TOB1: variants seen among roughly 807,000 people sequenced by gnomAD.
The protein encoded by TOB1 is protein Tob1.
Under a neutral mutation model 22.9 loss-of-function variants are expected in TOB1, and 2 were observed. The observed-to-expected ratio is 0.09, with a 90% CI of 0.04 to 0.28. TOB1 has a LOEUF of 0.28. Ranked by LOEUF, TOB1 falls within the 10% of genes least tolerant of loss-of-function variation. TOB1 has a pLI of 1.00. For missense variants in TOB1, 299 were observed against 420.5 expected (o/e 0.71, Z 2.53); for synonymous variants, 154 against 150.6 (o/e 1.02, Z -0.17).
In TOB1 at chr17:50,863,999, CTTGGAT is replaced by C. The variant is rs1972258827; in HGVS notation, c.13_18del (p.Ile5_Gln6del). On this transcript the variant is annotated inframe_deletion, in exon 2 of 2. Transcript: ENST00000499247. ...TACGAAATAATAAAATTTAGTGCTA[CTTGGAT>C]TTCAAGCTGCATAGCTGCTACGCCA... is the stretch of plus-strand genomic sequence containing the variant. 1 of 1,464,052 alleles carries C rather than the reference CTTGGAT, an allele frequency of 6.8e-7. No homozygotes were observed. The allele number at this position is 1,464,052 out of a possible 1,614,324, so 90.7% of individuals were successfully genotyped here. A position where few individuals can be genotyped will look rare whatever the true frequency, so the allele number is the denominator to read the frequency against.
chr17:50,865,032 G>C (rs2143344303), intron 1 of TOB1, among the ~76,000 whole-genome samples: 1 of 152,310 alleles, frequency 6.6e-6, no homozygotes, highest in Non-Finnish European at 1.5e-5. Context: ...AACAGCCGGA[G>C]AGGCAAGTAT....
In TOB1 at chr17:50,863,136, G is replaced by A. The variant is rs1972238894; in HGVS notation, c.882C>T (p.Ser294=). The A allele has an allele frequency of 6.2e-7, 1 of 1,614,130 alleles. No homozygotes were observed. The stretch of plus-strand genomic sequence containing the variant: ...ACTGGAGAGGACTGAGGTTAAGGGG[G>A]CTGTCACCTGGGAACATTCCATTGG... The part of the protein sequence containing the change: ...SSTNGMFPGD[S]PLNLSPLQYS... The change falls in exon 2 of 2, where the codon AGC becomes AGT. Residue 294 remains serine, a synonymous_variant. Transcript: ENST00000499247.
Position 50,863,764 on chromosome 17 carries a change from T to A in TOB1, c.254A>T (p.Asn85Ile), listed in dbSNP as rs201762176. 4.3e-6 allele frequency: 7 copies of A among 1,614,122 alleles called. No individual in the cohort carries two copies. Among genetic ancestry groups the A allele is most frequent in the South Asian group, 1.1e-5 (1 of 91,082 alleles). The change falls in exon 2 of 2, where the codon AAT becomes ATT. Residue 85 changes from asparagine (N) to isoleucine (I), a missense_variant. Coordinates refer to ENST00000499247, the MANE Select transcript of TOB1 (RefSeq NM_005749.4). The stretch of plus-strand genomic sequence containing the variant: ...CCAAACACTAAGATCCTGTGGCAGA[T>A]TGCCACGAACATCATCAATGTCCAA... ...SGLDIDDVRG[N>I]LPQDLSVWID... is the part of the protein sequence containing the mutation.
At position 50,863,463 on chromosome 17, in the gene TOB1, G is replaced by C. The variant is rs369296548; in HGVS notation, c.555C>G (p.Thr185=). The change falls in exon 2 of 2, where the codon ACC becomes ACG. Residue 185 remains threonine, a synonymous_variant. Transcript: ENST00000499247. ...TCTTCATTTTGGTAGAGCCGAACTT[G>C]GTGGCAGCAAAAGTGGCAGTGGTAA... is the stretch of plus-strand genomic sequence containing the variant. The part of the protein sequence containing the change: ...LTFTTATFAA[T]KFGSTKMKNS... 371 of 1,614,058 alleles carry C rather than the reference G, an allele frequency of 2.3e-4. No homozygotes were observed. Among genetic ancestry groups the C allele is most frequent in the Non-Finnish European group, 3.0e-4 (354 of 1,180,040 alleles).
intron 1 of TOB1, among the ~76,000 whole-genome samples, chr17:50,865,783 C>T (rs1597991052): frequency 6.6e-6 from 1 of 152,092 alleles, no homozygotes; most frequent in South Asian, 2.1e-4. Context: ...GAGCTCGTCG[C>T]TCCTCCGGGC....
Position 50,864,057 on chromosome 17 carries a change from A to T in TOB1, c.-40T>A, listed in dbSNP as rs765519543. The T allele has an allele frequency of 3.5e-6, 2 of 566,934 alleles. No homozygotes were observed. Among genetic ancestry groups the T allele is most frequent in the Non-Finnish European group, 4.3e-6 (2 of 465,318 alleles). The allele number at this position is 566,934 out of a possible 1,614,324, so 35.1% of individuals were successfully genotyped here. A position where few individuals can be genotyped will look rare whatever the true frequency, so the allele number is the denominator to read the frequency against. ...AAAATTAGGTTTCAACTCCCCCACC[A>T]AAAAAAAAAAAAAAAAAAAAAGATG... On this transcript the variant is annotated 5_prime_UTR_variant, in exon 2 of 2. Transcript: ENST00000499247.
At chr17:50,864,365 C>T (rs1972265649) in intron 1 of TOB1, among the ~76,000 whole-genome samples, 1 of 152,032 alleles carries the variant, frequency 6.6e-6, no homozygotes, top group Non-Finnish European at 1.5e-5. Flanking sequence ...AATAGAAAAT[C>T]GTTTATTAAA....
chr17:50,863,129 T>A lies in TOB1; in HGVS notation c.889A>T (p.Asn297Tyr). The change falls in exon 2 of 2, where the codon AAC becomes TAC. Residue 297 changes from asparagine to tyrosine, a missense_variant. Asn to Tyr is a moderately radical substitution (Grantham distance 143). Coordinates refer to ENST00000499247, the MANE Select transcript of TOB1 (RefSeq NM_005749.4). ...TTACTGTACTGGAGAGGACTGAGGT[T>A]AAGGGGGCTGTCACCTGGGAACATT... ...NGMFPGDSPLNLSPLQYSNAF... is the reference protein window; with the variant it reads ...NGMFPGDSPLYLSPLQYSNAF... 6.2e-7 allele frequency: 1 copy of A among 1,614,172 alleles called. No individual in the cohort carries two copies.
At chr17:50,865,578 G>A (rs1972286105) in intron 1 of TOB1, among the ~76,000 whole-genome samples, 1 of 152,100 alleles carries the variant, frequency 6.6e-6, no homozygotes, top group Non-Finnish European at 1.5e-5. Context: ...TCCCGGCTGG[G>A]CACCCAGCAC....
At chr17:50,865,663 C>T (rs1357866182) in intron 1 of TOB1, among the ~76,000 whole-genome samples, 1 of 152,054 alleles carries the variant, frequency 6.6e-6, no homozygotes, top group Non-Finnish European at 1.5e-5. Context: ...CGCCCCGTGG[C>T]CCCCGCCCCG....
rs1338444583 is a variant in TOB1, at chr17:50,864,073, A to G, written c.-56T>C. The G allele has an allele frequency of 4.8e-6, 7 of 1,453,658 alleles. No homozygotes were observed. The highest frequency in any genetic ancestry group is 6.3e-6 in the Non-Finnish European group (7 of 1,110,812). The allele number at this position is 1,453,658 out of a possible 1,614,324, so 90.0% of individuals were successfully genotyped here. A position where few individuals can be genotyped will look rare whatever the true frequency, so the allele number is the denominator to read the frequency against. On this transcript the variant is annotated 5_prime_UTR_variant, in exon 2 of 2. Coordinates refer to ENST00000499247, the MANE Select transcript of TOB1 (RefSeq NM_005749.4). ...TCCCCCACCAAAAAAAAAAAAAAAA[A>G]AAAAAGATGTTCAGTTTGTGGCAGA...
rs71149322 is a variant in TOB1 at position 50,864,056 on chromosome 17, CAAA to C, written c.-42_-40del. 6,594 of 1,027,670 alleles carry C rather than the reference CAAA, an allele frequency of 6.4e-3. No homozygotes were observed. Among genetic ancestry groups the C allele is most frequent in the East Asian group, 0.03 (725 of 23,888 alleles). 63.7% of individuals were successfully genotyped at this position (1,027,670 alleles called of 1,614,324 possible). ...CAAAATTAGGTTTCAACTCCCCCAC[CAAA>C]AAAAAAAAAAAAAAAAAAAGATGTT... is the stretch of plus-strand genomic sequence containing the variant. On this transcript the variant is annotated 5_prime_UTR_variant, in exon 2 of 2. Coordinates refer to ENST00000499247, the MANE Select transcript of TOB1 (RefSeq NM_005749.4).
At position 50,864,065 on chromosome 17, in the gene TOB1, A is replaced by AAAAAAAG. The variant is rs1183783877; in HGVS notation, c.-49_-48insCTTTTTT. The AAAAAAAG allele has an allele frequency of 3.5e-6, 5 of 1,434,008 alleles. No individual in the cohort carries two copies. The highest frequency in any genetic ancestry group is 4.6e-6 in the Non-Finnish European group (5 of 1,096,598). The allele number at this position is 1,434,008 out of a possible 1,614,324, so 88.8% of individuals were successfully genotyped here. On this transcript the variant is annotated 5_prime_UTR_variant, in exon 2 of 2. Coordinates refer to ENST00000499247, the MANE Select transcript of TOB1 (RefSeq NM_005749.4). The stretch of plus-strand genomic sequence containing the variant: ...GTTTCAACTCCCCCACCAAAAAAAA[A>AAAAAAAG]AAAAAAAAAAAAAGATGTTCAGTTT...
rs1972232889 is a variant in TOB1 at position 50,862,799 on chromosome 17, TATAAA to T, written c.*176_*180del. On this transcript the variant is annotated 3_prime_UTR_variant, in exon 2 of 2. Transcript: ENST00000499247. ...AGTATACTTTAAAATATACAGTCAG[TATAAA>T]ATAACTTTGTGCTTGGTTGGCAAAT... 2.4e-6 allele frequency: 2 copies of T among 820,776 alleles called. No individual in the cohort carries two copies. The highest frequency in any genetic ancestry group is 3.6e-6 in the Non-Finnish European group (2 of 562,092). The allele number at this position is 820,776 out of a possible 1,614,324, so 50.8% of individuals were successfully genotyped here.
Position 50,862,819 on chromosome 17 carries a change from G to A in TOB1, c.*161C>T. On this transcript the variant is annotated 3_prime_UTR_variant, in exon 2 of 2. Transcript: ENST00000499247. ...GTCAGTATAAAATAACTTTGTGCTT[G>A]GTTGGCAAATGAAAAATGATGCATG... 7.9e-6 allele frequency: 8 copies of A among 1,017,678 alleles called. No homozygotes were observed. Among genetic ancestry groups the A allele is most frequent in the Non-Finnish European group, 1.1e-5 (8 of 739,900 alleles). 63.0% of individuals were successfully genotyped at this position (1,017,678 alleles called of 1,614,324 possible).
In TOB1 at chr17:50,862,876, T is replaced by G. The variant is rs1972234144; in HGVS notation, c.*104A>C. 3.6e-6 allele frequency: 5 copies of G among 1,402,814 alleles called. No homozygotes were observed. The Admixed American group carries it at 1.4e-4, about 40-fold the overall frequency. The allele number at this position is 1,402,814 out of a possible 1,614,324, so 86.9% of individuals were successfully genotyped here. On this transcript the variant is annotated 3_prime_UTR_variant, in exon 2 of 2. Coordinates refer to ENST00000499247, the MANE Select transcript of TOB1 (RefSeq NM_005749.4). Reference sequence around the variant, plus strand: ...TATTATTTTTTTAACCAAGCTTGAATGTATCCTTACTATAAGCTTAAAAAA... The same window carrying G: ...TATTATTTTTTTAACCAAGCTTGAAGGTATCCTTACTATAAGCTTAAAAAA...
intron 1 of TOB1, 103 bp from the exon 2 acceptor site, chr17:50,864,266 T>C: frequency 1.8e-6 from 1 of 548,026 alleles, no homozygotes; most frequent in Non-Finnish European, 2.6e-6. Flanking sequence ...TCTAAGATCC[T>C]GTGTTAGTCT....
In TOB1 at chr17:50,862,926, A is replaced by G; in HGVS notation, c.*54T>C. The G allele has an allele frequency of 6.7e-7, 1 of 1,490,750 alleles. No individual in the cohort carries two copies. The highest frequency in any genetic ancestry group is 8.9e-7 in the Non-Finnish European group (1 of 1,121,286). The allele number at this position is 1,490,750 out of a possible 1,614,324, so 92.3% of individuals were successfully genotyped here. A position where few individuals can be genotyped will look rare whatever the true frequency, so the allele number is the denominator to read the frequency against. ...AAAAAATTCTCAAGGAGGTGAAAAA[A>G]AAAATCCCCCTTGGGCCCGTGCATT... is the stretch of plus-strand genomic sequence containing the variant. On this transcript the variant is annotated 3_prime_UTR_variant, in exon 2 of 2. Coordinates refer to ENST00000499247, the MANE Select transcript of TOB1 (RefSeq NM_005749.4).
Position 50,862,855 on chromosome 17 carries a change from A to T in TOB1, c.*125T>A. The T allele has an allele frequency of 2.1e-5, 27 of 1,305,810 alleles. No individual in the cohort carries two copies. Among genetic ancestry groups the T allele is most frequent in the Non-Finnish European group, 2.6e-5 (26 of 995,264 alleles). 80.9% of individuals were successfully genotyped at this position (1,305,810 alleles called of 1,614,324 possible). On this transcript the variant is annotated 3_prime_UTR_variant, in exon 2 of 2. Transcript: ENST00000499247. ...GAAAAATGATGCATGTTTTATTATTATTTTTTTAACCAAGCTTGAATGTAT... is the reference window on the plus strand; with the variant it reads ...GAAAAATGATGCATGTTTTATTATTTTTTTTTTAACCAAGCTTGAATGTAT...
Sources: gnomAD v4.1 joint callset for allele counts (sites outside exome capture counted in the v4.1 genomes callset) on GRCh38, gnomAD v4.1.1 for gene constraint, MANE v1.5 for transcripts, NCBI Gene and HGNC (gene_info 2026-07-23, HGNC 2026-07-21) for gene names.